Variants in ODAD4 observed in about 807,000 individuals in gnomAD.
ODAD4 encodes outer dynein arm-docking complex subunit 4.
Under a neutral mutation model 51.8 loss-of-function variants are expected in ODAD4, and 49 were observed. That is an observed-to-expected ratio of 0.95 (90% CI 0.75 to 1.20). The LOEUF is 1.20. Ranked by LOEUF, ODAD4 falls within the 50% of genes most tolerant of loss-of-function variation. The probability of loss-of-function intolerance (pLI) is 0.00; values close to 1 mark genes in which losing one functional copy is unlikely to be tolerated. For missense variants in ODAD4, 590 were observed against 586.5 expected, an observed-to-expected ratio of 1.01 and a Z score of -0.06; for synonymous variants, 235 against 221.3, an observed-to-expected ratio of 1.06 and a Z score of -0.55.
rs547348959 is a variant in ODAD4, at chr17:41,931,438, C to G, written c.114+601C>G. Among the ~76,000 whole-genome samples, 82 of 152,298 alleles carry G rather than the reference C, an allele frequency of 5.4e-4. 1 individual carries two copies. The highest frequency in any genetic ancestry group is 1.2e-3 in the Admixed American group (19 of 15,298). ...GCCTCCTTCCACAGAGCAGCCTTAC[C>G]TTCCCATCATTTGCTGGCAGATTGG... On this transcript the variant is annotated intron_variant, in intron 1 of 11. Coordinates refer to ENST00000377540, the MANE Select transcript of ODAD4 (RefSeq NM_031421.5).
intron 9 of ODAD4, among the ~76,000 whole-genome samples, chr17:41,951,334 C>T (rs1598084634): frequency 6.6e-6 from 1 of 152,174 alleles, no homozygotes; most frequent in East Asian, 1.9e-4. Flanking sequence ...CTGCCTGCTT[C>T]AGCCTCCCAA....
chr17:41,962,489 G>GA (rs1210067423), intron 11 of ODAD4, among the ~76,000 whole-genome samples: 1 of 152,172 alleles, frequency 6.6e-6, no homozygotes, highest in Non-Finnish European at 1.5e-5. Flanking sequence ...GGGCCTAGAG[G>GA]AACAGGGGTG....
At chr17:41,956,552 A>T (rs533617317) in intron 10 of ODAD4, among the ~76,000 whole-genome samples, 21 of 144,446 alleles carry the variant, frequency 1.5e-4, no homozygotes, top group Non-Finnish European at 1.6e-4. Flanking sequence ...CTGGGACCCA[A>T]CGTGTTGCTG....
At chr17:41,932,231 G>C (rs187103492) in intron 1 of ODAD4, among the ~76,000 whole-genome samples, 2 of 152,036 alleles carry the variant, frequency 1.3e-5, no homozygotes, top group Non-Finnish European at 2.9e-5. Flanking sequence ...CACCATGCTC[G>C]GCTAATTTTG....
At chr17:41,964,313 G>T (rs1303725241) in intron 11 of ODAD4, among the ~76,000 whole-genome samples, 2 of 149,454 alleles carry the variant, frequency 1.3e-5, no homozygotes, top group Non-Finnish European at 3.0e-5. Flanking sequence ...CACCTGCCTC[G>T]GCCTCCCAAA....
chr17:41,953,653 TTATA>T (rs139916074), intron 9 of ODAD4, among the ~76,000 whole-genome samples: 14 of 148,716 alleles, frequency 9.4e-5, no homozygotes, highest in South Asian at 4.3e-4. Flanking sequence ...ATTAATTTAA[TTATA>T]TATATATATA....
chr17:41,931,840 C>T (rs1403551188), intron 1 of ODAD4, among the ~76,000 whole-genome samples: 2 of 152,168 alleles, frequency 1.3e-5, no homozygotes, highest in African/African-American at 4.8e-5. Context: ...CTGCACCAAC[C>T]AGCAACATTA....
chr17:41,936,378 C>T, intron 3 of ODAD4, 95 bp from the exon 4 acceptor site: 1 of 870,078 alleles, frequency 1.1e-6, no homozygotes, highest in South Asian at 1.5e-5. Context: ...CCTCCACCAT[C>T]CCCCTGCCAA....
At chr17:41,945,341 T>TAAA in intron 8 of ODAD4, 119 bp downstream of exon 8, 2 of 368,422 alleles carry the variant, frequency 5.4e-6, no homozygotes, top group Non-Finnish European at 8.9e-6. Flanking sequence ...ACTCCCTCTC[T>TAAA]ACAAAAAAAA....
intron 1 of ODAD4, among the ~76,000 whole-genome samples, chr17:41,934,966 G>C (rs1235094358): frequency 6.6e-6 from 1 of 152,166 alleles, no homozygotes; most frequent in African/African-American, 2.4e-5. Context: ...TTCCACAATA[G>C]CCATGATTTG....
At chr17:41,949,011 T>C (rs902235997) in intron 8 of ODAD4, 142 bp from the exon 9 acceptor site, 11 of 395,936 alleles carry the variant, frequency 2.8e-5, no homozygotes, top group Non-Finnish European at 4.9e-5. Context: ...TCTTTATGCT[T>C]ATGAACTCCA....
In ODAD4 at chr17:41,939,162, G is replaced by T. The variant is rs530051771; in HGVS notation, c.1048G>T (p.Ala350Ser). The T allele has an allele frequency of 2.6e-5, 42 of 1,613,192 alleles. No homozygotes were observed. Among genetic ancestry groups the T allele is most frequent in the Non-Finnish European group, 3.4e-5 (40 of 1,179,682 alleles). The change falls in exon 7 of 12, where the codon GCC (alanine) becomes TCC (serine). Residue 350 changes from alanine to serine, a missense_variant. Ala to Ser is a moderately conservative substitution (Grantham distance 99). Transcript: ENST00000377540. The stretch of plus-strand genomic sequence containing the variant: ...GAGCCACAGAAAGGACCTGGAGATC[G>T]CCAAGGAATAGTGAGTGCCCTAGGG... ...LQSHRKDLEI[A>S]KEYDLPDAKS...
chr17:41,950,426 A>T (rs2050637519), intron 9 of ODAD4, among the ~76,000 whole-genome samples: 2 of 148,308 alleles, frequency 1.3e-5, no homozygotes, highest in Non-Finnish European at 3.0e-5. Context: ...TCTGTCACCC[A>T]GGCTGGAGTG....
At chr17:41,947,197 G>A (rs1225314426) in intron 8 of ODAD4, among the ~76,000 whole-genome samples, 1 of 151,210 alleles carries the variant, frequency 6.6e-6, no homozygotes, top group African/African-American at 2.4e-5. Flanking sequence ...GGCCAGGCCG[G>A]GCGCGGTGGC....
intron 9 of ODAD4, among the ~76,000 whole-genome samples, chr17:41,953,667 A>C (rs1701046634): frequency 7.0e-6 from 1 of 143,834 alleles, no homozygotes; most frequent in Non-Finnish European, 1.5e-5. Flanking sequence ...ATATATATAT[A>C]TAGAGAGAGA....
At chr17:41,932,100 G>C (rs535201983) in intron 1 of ODAD4, among the ~76,000 whole-genome samples, 120 of 150,506 alleles carry the variant, frequency 8.0e-4, no homozygotes, top group Non-Finnish European at 1.5e-3. Context: ...ATGGAGTTTT[G>C]CTCTTCTTGC....
chr17:41,935,763 G>C lies in ODAD4; in HGVS notation c.397+14G>C. Reference sequence around the variant, plus strand: ...ACTCAGTGGGAAGTGAGTGACCACAGGGCCTATGCCCTTATCCAGGAAGGT... The same window carrying C: ...ACTCAGTGGGAAGTGAGTGACCACACGGCCTATGCCCTTATCCAGGAAGGT... On this transcript the variant is annotated intron_variant, in intron 3 of 11. Transcript: ENST00000377540. 5.0e-6 allele frequency: 8 copies of C among 1,613,630 alleles called. No individual in the cohort carries two copies. Among genetic ancestry groups the C allele is most frequent in the Non-Finnish European group, 6.8e-6 (8 of 1,179,742 alleles).
rs201461009 is a variant in ODAD4 at position 41,961,459 on chromosome 17, C to T, written c.1521C>T (p.Ser507=). The change falls in exon 11 of 12, where the codon AGC becomes AGT. Residue 507 remains serine, a synonymous_variant. Coordinates refer to ENST00000377540, the MANE Select transcript of ODAD4 (RefSeq NM_031421.5). Reference sequence around the variant, plus strand: ...ACGTGGAGAATCTCAAAGAAAAAAGCGAGGGAGGTGAGTTCCTGAAACTCT... The same window carrying T: ...ACGTGGAGAATCTCAAAGAAAAAAGTGAGGGAGGTGAGTTCCTGAAACTCT... ...TNYVENLKEK[S]EGEASLYEDR... 40 of 727,526 alleles carry T rather than the reference C, an allele frequency of 5.5e-5. No individual in the cohort carries two copies. The highest frequency in any genetic ancestry group is 2.8e-4 in the South Asian group (19 of 67,900). The allele number at this position is 727,526 out of a possible 1,614,324, so 45.1% of individuals were successfully genotyped here.
intron 7 of ODAD4, 67 bp downstream of exon 7, chr17:41,939,239 C>T: frequency 6.9e-7 from 1 of 1,459,104 alleles, no homozygotes. Context: ...TATCTGAGGC[C>T]CTTGCCAGGG....
Sources: gnomAD v4.1 joint callset for allele counts (sites outside exome capture counted in the v4.1 genomes callset) on GRCh38, gnomAD v4.1.1 for gene constraint, MANE v1.5 for transcripts, NCBI Gene and HGNC (gene_info 2026-07-23, HGNC 2026-07-21) for gene names.